The following SEMA6A variants were observed in gnomAD, a reference collection of about 807,000 sequenced individuals.
The protein encoded by SEMA6A is semaphorin-6A.
Under a neutral mutation model 96.8 loss-of-function variants are expected in SEMA6A, and 25 were observed. That is an observed-to-expected ratio of 0.26 (90% CI 0.19 to 0.36). The LOEUF is 0.36. Ranked by LOEUF, SEMA6A falls within the 10% of genes least tolerant of loss-of-function variation. The probability of loss-of-function intolerance (pLI) is 1.00; values close to 1 mark genes in which losing one functional copy is unlikely to be tolerated. For missense variants in SEMA6A, 1,363 were observed against 1,323.1 expected (o/e 1.03, Z -0.47); for synonymous variants, 612 against 518.0 (o/e 1.18, Z -2.46).
At chr5:116,525,762 A>G (rs563417251) in intron 1 of SEMA6A, among the ~76,000 whole-genome samples, 1 of 152,332 alleles carries the variant, frequency 6.6e-6, no homozygotes, top group Admixed American at 6.5e-5. Flanking sequence ...CATTGGTGGT[A>G]AGTCATTATC....
intron 6 of SEMA6A, 57 bp downstream of exon 6, chr5:116,495,356 C>T: frequency 3.9e-6 from 5 of 1,285,502 alleles, no homozygotes; most frequent in Non-Finnish European, 4.4e-6. Flanking sequence ...GGTACAATCA[C>T]AGTAAATTAT....
chr5:116,469,455 T>TC (rs1394820174), intron 17 of SEMA6A: 1 of 151,844 alleles, frequency 6.6e-6, no homozygotes, highest in Non-Finnish European at 1.5e-5. Flanking sequence ...CTTTTTTTTT[T>TC]CCACTCCTGA....
At chr5:116,473,718 TATA>T (rs1756292308) in intron 16 of SEMA6A, among the ~76,000 whole-genome samples, 2 of 152,214 alleles carry the variant, frequency 1.3e-5, no homozygotes, top group Non-Finnish European at 2.9e-5. Flanking sequence ...TTGTACCAGT[TATA>T]ATGATTGTAC....
Position 116,499,267 on chromosome 5 carries a change from CCATCTTAGTGTACATCCCAGGTCT to C in SEMA6A, c.219-1904_219-1881del, listed in dbSNP as rs1757757248. 3 of 152,306 alleles carry C rather than the reference CCATCTTAGTGTACATCCCAGGTCT, an allele frequency of 2.0e-5. No individual in the cohort carries two copies. The South Asian group carries it at 6.2e-4, about 32-fold the overall frequency. 9.4% of individuals were successfully genotyped at this position (152,306 alleles called of 1,614,324 possible). ...GACCAGGGTCAGGGGTCATTCCCAACCATCTTAGTGTACATCCCAGGTCTCATATGCTGTTCTTCCTGAATTAAG... is the reference window on the plus strand; with the variant it reads ...GACCAGGGTCAGGGGTCATTCCCAACCATATGCTGTTCTTCCTGAATTAAG... On this transcript the variant is annotated intron_variant, in intron 3 of 18. Transcript: ENST00000343348.
chr5:116,474,510 T>C (rs1382398266), intron 16 of SEMA6A, among the ~76,000 whole-genome samples: 3 of 152,208 alleles, frequency 2.0e-5, no homozygotes, highest in African/African-American at 4.8e-5. Flanking sequence ...TTTGCCAATA[T>C]ATAATATTTG....
chr5:116,542,473 T>A (rs1459102335), intron 1 of SEMA6A, among the ~76,000 whole-genome samples: 1 of 152,224 alleles, frequency 6.6e-6, no homozygotes, highest in East Asian at 1.9e-4. Context: ...CCTTTGTCTT[T>A]CATTAATGGG....
At chr5:116,542,242 C>T (rs1460987292) in intron 1 of SEMA6A, among the ~76,000 whole-genome samples, 1 of 152,148 alleles carries the variant, frequency 6.6e-6, no homozygotes, top group African/African-American at 2.4e-5. Context: ...GAATTGTGCA[C>T]CAAAGTCTGC....
chr5:116,475,589 T>A lies in SEMA6A; in HGVS notation c.1664A>T (p.Gln555Leu). Residue 555 changes from glutamine (Q) to leucine (L), a missense_variant, in exon 16 of 19, where the codon CAG becomes CTG. Transcript: ENST00000343348. ...ATCTGTATTGCCACGCTCTATGTCCTGCTCAAAAGTCAGTCTTTTAAAAAA... is the reference window on the plus strand; with the variant it reads ...ATCTGTATTGCCACGCTCTATGTCCAGCTCAAAAGTCAGTCTTTTAAAAAA... Reference protein sequence around the residue: ...LSPNSRLTFEQDIERGNTDGL... With the variant: ...LSPNSRLTFELDIERGNTDGL... The A allele has an allele frequency of 6.2e-7, 1 of 1,602,236 alleles. No individual in the cohort carries two copies. Among genetic ancestry groups the A allele is most frequent in the Non-Finnish European group, 8.5e-7 (1 of 1,174,084 alleles).
At chr5:116,516,982 A>G (rs1758697149) in intron 1 of SEMA6A, among the ~76,000 whole-genome samples, 1 of 152,120 alleles carries the variant, frequency 6.6e-6, no homozygotes, top group Non-Finnish European at 1.5e-5. Context: ...TTAAAGAAAA[A>G]TACGATTTGC....
At chr5:116,510,196 C>G (rs1022648374) in intron 1 of SEMA6A, among the ~76,000 whole-genome samples, 2 of 152,082 alleles carry the variant, frequency 1.3e-5, no homozygotes, top group African/African-American at 4.8e-5. Context: ...ATAAGCAGTT[C>G]TAATCTGACC....
In SEMA6A at chr5:116,514,096, T is replaced by C. The variant is rs534644707; in HGVS notation, c.-38-9114A>G. On this transcript the variant is annotated intron_variant, in intron 1 of 18. Coordinates refer to ENST00000343348, the MANE Select transcript of SEMA6A (RefSeq NM_020796.5). ...CAATAGCAGTGCTGCACTGAACATA[T>C]ACGTGCATGTGTCTTTATATCAGAA... Among the ~76,000 whole-genome samples the C allele has an allele frequency of 9.8e-5, 15 of 152,330 alleles. No individual in the cohort carries two copies. The South Asian group carries it at 2.3e-3, about 23-fold the overall frequency.
intron 3 of SEMA6A, among the ~76,000 whole-genome samples, chr5:116,500,880 C>T (rs1402349084): frequency 6.6e-6 from 1 of 152,102 alleles, no homozygotes; most frequent in African/African-American, 2.4e-5. Flanking sequence ...GTGGCGGGCA[C>T]CTGTAGTCCC....
chr5:116,472,667 T>A (rs1756222420), intron 17 of SEMA6A: 1 of 485,500 alleles, frequency 2.1e-6, no homozygotes, highest in African/African-American at 2.0e-5. Context: ...TTTCATGTTA[T>A]CTGGATTAAA....
chr5:116,545,223 C>G (rs192516910), intron 1 of SEMA6A, among the ~76,000 whole-genome samples: 4 of 152,168 alleles, frequency 2.6e-5, no homozygotes, highest in Admixed American at 6.5e-5. Context: ...CGGTCTGGCT[C>G]CAGCCAATGG....
intron 18 of SEMA6A, among the ~76,000 whole-genome samples, chr5:116,467,217 G>T (rs1285874547): frequency 6.6e-6 from 1 of 152,110 alleles, no homozygotes; most frequent in Non-Finnish European, 1.5e-5. Context: ...ACTTGCCAAA[G>T]CCCGAACTGC....
At chr5:116,448,286 A>G (rs1754397356) in intron 18 of SEMA6A, among the ~76,000 whole-genome samples, 1 of 151,826 alleles carries the variant, frequency 6.6e-6, no homozygotes, top group South Asian at 2.1e-4. Context: ...TGGAGGTTGC[A>G]GTGAAGGGAG....
At chr5:116,519,691 A>G (rs953261644) in intron 1 of SEMA6A, among the ~76,000 whole-genome samples, 12 of 140,538 alleles carry the variant, frequency 8.5e-5, no homozygotes, top group South Asian at 2.1e-4. Flanking sequence ...ACACACACAC[A>G]CGCACACACA....
At chr5:116,495,638 AAAGTTC>A (rs1757559544) in intron 5 of SEMA6A, 124 bp from the exon 6 acceptor site, 1 of 636,798 alleles carries the variant, frequency 1.6e-6, no homozygotes, top group Non-Finnish European at 2.7e-6. Flanking sequence ...TCTCCCATTA[AAAGTTC>A]AAGTTCTTCC....
At chr5:116,516,952 T>G (rs1383866753) in intron 1 of SEMA6A, among the ~76,000 whole-genome samples, 1 of 152,210 alleles carries the variant, frequency 6.6e-6, no homozygotes, top group East Asian at 1.9e-4. Context: ...TTTTGAAGTC[T>G]GCCCTGAGGC....
Sources: allele counts gnomAD v4.1 joint callset (sites outside exome capture counted in the v4.1 genomes callset), GRCh38; gene constraint gnomAD v4.1.1; transcripts MANE v1.5; gene names NCBI Gene and HGNC (gene_info 2026-07-23, HGNC 2026-07-21).